HEATR3: variants seen among roughly 807,000 people sequenced by gnomAD.
The protein encoded by HEATR3 is HEAT repeat-containing protein 3.
In HEATR3, 56 loss-of-function variants were observed where a neutral mutation model predicts 72.8. The observed-to-expected ratio is 0.77, with a 90% CI of 0.62 to 0.96. The LOEUF is 0.96. Ranked by LOEUF, HEATR3 falls within the 40% of genes least tolerant of loss-of-function variation. The pLI, the probability that HEATR3 is intolerant of heterozygous loss-of-function variation, is 0.00. For synonymous variants in HEATR3, 331 were observed against 318.1 expected, an observed-to-expected ratio of 1.04 and a Z score of -0.43; for missense variants, 747 against 831.4, an observed-to-expected ratio of 0.90 and a Z score of 1.25.
At chr16:50,083,856 A>G in intron 7 of HEATR3, 81 bp from the exon 8 acceptor site, 1 of 1,277,138 alleles carries the variant, frequency 7.8e-7, no homozygotes, top group Non-Finnish European at 1.1e-6. Flanking sequence ...ATCTTCTAGT[A>G]GGCTTTCACT....
intron 2 of HEATR3, chr16:50,066,756 C>G: frequency 2.4e-6 from 1 of 422,768 alleles, no homozygotes; most frequent in South Asian, 1.2e-4. Context: ...CAGCGTCCAC[C>G]TGCTCAGGCG....
intron 11 of HEATR3, among the ~76,000 whole-genome samples, chr16:50,088,920 G>A (rs961039715): frequency 4.0e-5 from 6 of 149,254 alleles, no homozygotes; most frequent in African/African-American, 1.5e-4. Flanking sequence ...TTCTCACTGA[G>A]AGTCTGGTCC....
rs372215649 is a variant in HEATR3 at position 50,086,369 on chromosome 16, C to T, written c.1510+18C>T. ...TCAACCAGGTATTTAGACTTTATTG[C>T]GAAAGACTACGCAGACGGAACAGAA... On this transcript the variant is annotated intron_variant, in intron 11 of 14. Coordinates refer to ENST00000299192, the MANE Select transcript of HEATR3 (RefSeq NM_182922.4). The T allele has an allele frequency of 5.0e-5, 80 of 1,599,636 alleles. 1 individual carries two copies. The South Asian group carries it at 5.4e-4, about 11-fold the overall frequency.
chr16:50,094,756 C>T lies in HEATR3; in HGVS notation c.1562C>T (p.Ala521Val). 6.3e-7 allele frequency: 1 copy of T among 1,595,496 alleles called. No individual in the cohort carries two copies. Among genetic ancestry groups the T allele is most frequent in the Non-Finnish European group, 8.5e-7 (1 of 1,172,414 alleles). The change falls in exon 12 of 15, where the codon GCC (alanine) becomes GTC (valine). Residue 521 changes from alanine to valine, a missense_variant. Ala to Val is a moderately conservative substitution (Grantham distance 64). Coordinates refer to ENST00000299192, the MANE Select transcript of HEATR3 (RefSeq NM_182922.4). ...GAAGCCATAAGTAGTGCTTTGAGGG[C>T]CCTTTTGCAAACAATGGCCTCCAAG... ...FLEAISSALR[A>V]LLQTMASKNI...
chr16:50,066,661 T>A, intron 2 of HEATR3, 122 bp downstream of exon 2: 1 of 907,578 alleles, frequency 1.1e-6, no homozygotes, highest in Non-Finnish European at 1.5e-6. Flanking sequence ...CGGTCTCCCG[T>A]TTGCAGAGAT....
In HEATR3 at chr16:50,089,543, G is replaced by A. The variant is rs548354515; in HGVS notation, c.1510+3192G>A. 1.1e-4 allele frequency among the ~76,000 whole-genome samples: 16 copies of A among 152,220 alleles called. 1 individual carries two copies. In the South Asian group the frequency reaches 1.9e-3, roughly 18 times the overall value. On this transcript the variant is annotated intron_variant, in intron 11 of 14. Coordinates refer to ENST00000299192, the MANE Select transcript of HEATR3 (RefSeq NM_182922.4). ...TTCGTATCACCTAATATTGGCATTC[G>A]GAGAAATGGAGAATCAAAATGACTT... is the stretch of plus-strand genomic sequence containing the variant.
intron 8 of HEATR3, 33 bp downstream of exon 8, chr16:50,084,060 CCT>C (rs1567435818): frequency 1.9e-6 from 3 of 1,611,958 alleles, no homozygotes; most frequent in East Asian, 2.2e-5. Context: ...ACATTTTCCC[CCT>C]GAGCCAAGAG....
rs187436120 is a variant in HEATR3, at chr16:50,105,950, C to T, written c.*889C>T. 9 of 152,236 alleles carry T rather than the reference C, an allele frequency of 5.9e-5. No homozygotes were observed. The highest frequency in any genetic ancestry group is 5.9e-4 in the Admixed American group (9 of 15,264). 9.4% of individuals were successfully genotyped at this position (152,236 alleles called of 1,614,324 possible). ...TTATGTCTCTGGCATATTTTAATCA[C>T]TGGAAACTCAAAGAGTGGAAGAGTG... On this transcript the variant is annotated 3_prime_UTR_variant, in exon 15 of 15. Transcript: ENST00000299192.
chr16:50,096,615 G>A (rs1196582669), intron 12 of HEATR3, among the ~76,000 whole-genome samples: 5 of 151,892 alleles, frequency 3.3e-5, no homozygotes, highest in South Asian at 4.1e-4. Context: ...CCTGGCCAAC[G>A]TGGCGAAACC....
intron 7 of HEATR3, among the ~76,000 whole-genome samples, chr16:50,081,277 T>C (rs1343738919): frequency 1.3e-5 from 2 of 151,960 alleles, no homozygotes; most frequent in Non-Finnish European, 2.9e-5. Context: ...CCATCTCTAC[T>C]AAAAATACAA....
At chr16:50,068,713 T>TGAGAG (rs1171079392) in intron 2 of HEATR3, 67 bp from the exon 3 acceptor site, 1 of 684,334 alleles carries the variant, frequency 1.5e-6, no homozygotes, top group East Asian at 3.2e-5. Flanking sequence ...AATAGAAATG[T>TGAGAG]GAGAGGGTAG....
intron 3 of HEATR3, 73 bp downstream of exon 3, chr16:50,068,940 T>C: frequency 2.9e-6 from 3 of 1,034,424 alleles, no homozygotes; most frequent in African/African-American, 1.6e-5. Context: ...TACTTTGGTG[T>C]TGGTGACTTT....
At chr16:50,096,503 AAGTATAC>A (rs2037241349) in intron 12 of HEATR3, among the ~76,000 whole-genome samples, 1 of 151,986 alleles carries the variant, frequency 6.6e-6, no homozygotes, top group African/African-American at 2.4e-5. Flanking sequence ...TATCCATTTA[AAGTATAC>A]AGTTCAGGCC....
chr16:50,095,441 G>C (rs970456868), intron 12 of HEATR3, among the ~76,000 whole-genome samples: 2 of 138,348 alleles, frequency 1.4e-5, no homozygotes, highest in African/African-American at 5.4e-5. Flanking sequence ...TTTCATTACA[G>C]ACTTTGCAAG....
intron 2 of HEATR3, chr16:50,066,814 C>G: frequency 2.8e-6 from 1 of 358,458 alleles, no homozygotes; most frequent in Middle Eastern, 7.2e-4. Flanking sequence ...AAAAGCCCTC[C>G]TTAGGGTCCC....
chr16:50,072,827 G>T, intron 5 of HEATR3, 113 bp downstream of exon 5: 1 of 704,076 alleles, frequency 1.4e-6, no homozygotes, highest in South Asian at 1.6e-5. Context: ...CGTTGTATGT[G>T]AATGTGTAGC....
intron 11 of HEATR3, among the ~76,000 whole-genome samples, chr16:50,091,743 G>A (rs183464196): frequency 1.3e-5 from 2 of 151,592 alleles, no homozygotes; most frequent in East Asian, 2.0e-4. Context: ...GTGTGGTGGC[G>A]GGCACCTGTA....
chr16:50,102,735 C>G (rs1219820599), intron 14 of HEATR3, among the ~76,000 whole-genome samples: 2 of 152,156 alleles, frequency 1.3e-5, no homozygotes, highest in Non-Finnish European at 2.9e-5. Flanking sequence ...AAAGCACTTT[C>G]ATACACATTT....
Position 50,066,258 on chromosome 16 carries a change from C to T in HEATR3, c.127C>T (p.Leu43=), listed in dbSNP as rs1302481505. The change falls in exon 1 of 15, where the codon CTG becomes TTG. Residue 43 remains leucine, a synonymous_variant. Coordinates refer to ENST00000299192, the MANE Select transcript of HEATR3 (RefSeq NM_182922.4). ...GGAGGACGACGGGCCGGCGGCGGAG[C>T]TGCTGGAAAAGGTGAGGCGAGGGCT... ...GEEDDGPAAE[L]LEKLQHPSAE... 1 of 1,567,058 alleles carries T rather than the reference C, an allele frequency of 6.4e-7. No individual in the cohort carries two copies. Among genetic ancestry groups the T allele is most frequent in the Non-Finnish European group, 8.6e-7 (1 of 1,159,592 alleles).
Sources: allele counts gnomAD v4.1 joint callset (sites outside exome capture counted in the v4.1 genomes callset), GRCh38; gene constraint gnomAD v4.1.1; transcripts MANE v1.5; gene names NCBI Gene and HGNC (gene_info 2026-07-23, HGNC 2026-07-21).